NTRK3: variants seen among roughly 807,000 people sequenced by gnomAD.
The protein encoded by NTRK3 is neurotrophic receptor tyrosine kinase 3.
NTRK3 carries 24 observed loss-of-function variants against 91.7 expected under a neutral mutation model. That is an observed-to-expected ratio of 0.26 (90% CI 0.19 to 0.37). The LOEUF (loss-of-function observed/expected upper bound fraction) is 0.37, where lower values mean the gene tolerates loss of function less well. Ranked by LOEUF, NTRK3 falls within the 10% of genes least tolerant of loss-of-function variation. NTRK3 has a pLI of 1.00. For synonymous variants in NTRK3, 483 were observed against 404.0 expected (o/e 1.20, Z -2.34); for missense variants, 880 against 1,068.9 (o/e 0.82, Z 2.46).
rs550214204 is a variant in NTRK3 at position 88,017,587 on chromosome 15, C to A, written c.1585+15270G>T. Among the ~76,000 whole-genome samples the A allele has an allele frequency of 3.2e-4, 48 of 152,272 alleles. 1 individual carries two copies. The South Asian group carries it at 9.5e-3, about 30-fold the overall frequency. On this transcript the variant is annotated intron_variant, in intron 14 of 18. Coordinates refer to ENST00000394480, the Ensembl canonical transcript of NTRK3. ...CAGTGGTTGGTTCAACCAAGCTGAC[C>A]TTCTCAAGACCTGAACAAAGGAATA...
intron 5 of NTRK3, among the ~76,000 whole-genome samples, chr15:88,150,485 C>G (rs2043270141): frequency 6.6e-6 from 1 of 152,148 alleles, no homozygotes; most frequent in South Asian, 2.1e-4. Flanking sequence ...AAGTGGGCTC[C>G]TACTCTCCCA....
intron 13 of NTRK3, among the ~76,000 whole-genome samples, chr15:88,065,431 G>C (rs1294729779): frequency 6.6e-6 from 1 of 152,166 alleles, no homozygotes; most frequent in Non-Finnish European, 1.5e-5. Context: ...CAGGTGGTTT[G>C]AGGCTCTGCT....
chr15:88,134,335 AG>A (rs2041669097), intron 10 of NTRK3, among the ~76,000 whole-genome samples: 1 of 152,354 alleles, frequency 6.6e-6, no homozygotes, highest in African/African-American at 2.4e-5. Flanking sequence ...AGATATTTAA[AG>A]CATCTTAGCC....
At chr15:88,203,581 T>A (rs757418386) in intron 3 of NTRK3, among the ~76,000 whole-genome samples, 4 of 152,170 alleles carry the variant, frequency 2.6e-5, no homozygotes, top group Non-Finnish European at 4.4e-5. Flanking sequence ...GATTATTGGG[T>A]ATGGATATAC....
intron 14 of NTRK3, among the ~76,000 whole-genome samples, chr15:87,988,928 A>G (rs890710177): frequency 6.6e-6 from 1 of 150,996 alleles, no homozygotes; most frequent in Admixed American, 6.6e-5. Flanking sequence ...TTTTATTTTT[A>G]TTTTTTTTAG....
rs147544500 is a variant in NTRK3, at chr15:88,065,056, C to T, written c.1397-32011G>A. On this transcript the variant is annotated intron_variant, in intron 13 of 18. Transcript: ENST00000394480. ...ATCAAGATCTATGACAACTATGTGA[C>T]GATAACTAACCCCAGTATGGCTCAG... Among the ~76,000 whole-genome samples the T allele has an allele frequency of 4.6e-3, 706 of 152,236 alleles. 2 individuals carry two copies. The highest frequency in any genetic ancestry group is 0.013 in the African/African-American group (558 of 41,554).
At chr15:87,867,478 C>T (rs2064715345) in exon 19 of NTRK3, 1 of 230,100 alleles carries the variant, frequency 4.3e-6, no homozygotes, top group Admixed American at 5.7e-5. Context: ...TTGTTCAGGG[C>T]AGGATCTTGA....
At chr15:87,923,543 C>G (rs1328961477) in intron 17 of NTRK3, among the ~76,000 whole-genome samples, 1 of 152,136 alleles carries the variant, frequency 6.6e-6, no homozygotes, top group Admixed American at 6.5e-5. Flanking sequence ...AAATGAGCTT[C>G]TATTTGTGTT....
At chr15:88,012,686 A>C (rs920842534) in intron 14 of NTRK3, among the ~76,000 whole-genome samples, 4 of 152,244 alleles carry the variant, frequency 2.6e-5, no homozygotes, top group African/African-American at 9.6e-5. Flanking sequence ...AATGTTTTAT[A>C]ATGCACTATT....
intron 17 of NTRK3, among the ~76,000 whole-genome samples, chr15:87,919,489 T>G (rs934233017): frequency 7.2e-5 from 11 of 152,246 alleles, no homozygotes; most frequent in Non-Finnish European, 1.6e-4. Flanking sequence ...GATTCTTTTC[T>G]GTATTCAGTT....
At position 87,928,939 on chromosome 15, in the gene NTRK3, A is replaced by G. The variant is rs879131; in HGVS notation, c.2133+252T>C. 108,284 of 604,626 alleles carry G rather than the reference A, an allele frequency of 0.18. 10,365 individuals are homozygous for G. Among genetic ancestry groups the G allele is most frequent in the Middle Eastern group, 0.26 (600 of 2,278 alleles). 37.5% of individuals were successfully genotyped at this position (604,626 alleles called of 1,614,324 possible). On this transcript the variant is annotated intron_variant, in intron 17 of 18. Coordinates refer to ENST00000394480, the Ensembl canonical transcript of NTRK3. ...ATTGAAGCACGTAAGAACACAATGC[A>G]TATGTTATTGCAATGTACAGATTAC...
At chr15:88,232,088 C>T (rs941340876) in intron 3 of NTRK3, among the ~76,000 whole-genome samples, 1 of 152,148 alleles carries the variant, frequency 6.6e-6, no homozygotes, top group Admixed American at 6.5e-5. Context: ...TCCATGCTCC[C>T]TACCTCCAGG....
Position 88,243,541 on chromosome 15 carries a change from C to CAA in NTRK3, c.248+12364_248+12365insTT, listed in dbSNP as rs1252933057. Among the ~76,000 whole-genome samples the CAA allele has an allele frequency of 3.4e-4, 3 of 8,738 alleles. No individual in the cohort carries two copies. Among genetic ancestry groups the CAA allele is most frequent in the Non-Finnish European group, 1.6e-3 (2 of 1,288 alleles). The allele number at this position is 8,738 out of a possible 152,430, so 5.7% of individuals were successfully genotyped here. A position where few individuals can be genotyped will look rare whatever the true frequency, so the allele number is the denominator to read the frequency against. The stretch of plus-strand genomic sequence containing the variant: ...GATCCCATCCCCCATAGCATGCACA[C>CAA]ACACACACACACACACACACACACA... On this transcript the variant is annotated intron_variant, in intron 3 of 18. Transcript: ENST00000394480. This position sits in a 1 kb window ranked among gnomAD's most constrained non-coding sequence, Gnocchi z 4.8.
At chr15:87,968,278 G>C (rs1023859077) in intron 14 of NTRK3, among the ~76,000 whole-genome samples, 3 of 152,038 alleles carry the variant, frequency 2.0e-5, no homozygotes, top group African/African-American at 7.2e-5. Context: ...CATCATTTGG[G>C]GTTTCTATGA....
At chr15:88,069,703 T>G (rs1182063790) in intron 13 of NTRK3, among the ~76,000 whole-genome samples, 1 of 152,168 alleles carries the variant, frequency 6.6e-6, no homozygotes, top group Non-Finnish European at 1.5e-5. Context: ...CACGTAGGAT[T>G]TTGCTTCCAA....
At chr15:88,077,146 G>C (rs931770925) in intron 13 of NTRK3, among the ~76,000 whole-genome samples, 3 of 152,048 alleles carry the variant, frequency 2.0e-5, no homozygotes, top group Non-Finnish European at 4.4e-5. Flanking sequence ...TCTCCAAGCA[G>C]ATAAATGAAG....
chr15:88,156,829 T>C (rs2043947982), intron 5 of NTRK3, among the ~76,000 whole-genome samples: 1 of 152,196 alleles, frequency 6.6e-6, no homozygotes, highest in African/African-American at 2.4e-5. Flanking sequence ...ATTTTCTTTA[T>C]AGCACCTGGA....
intron 6 of NTRK3, among the ~76,000 whole-genome samples, chr15:88,140,377 C>T (rs2042275349): frequency 6.6e-6 from 1 of 152,198 alleles, no homozygotes; most frequent in African/African-American, 2.4e-5. Flanking sequence ...CACTCTTGGC[C>T]AGACCCAGCT....
At chr15:88,028,886 T>C (rs1287764159) in intron 14 of NTRK3, among the ~76,000 whole-genome samples, 1 of 152,184 alleles carries the variant, frequency 6.6e-6, no homozygotes, top group Non-Finnish European at 1.5e-5. Context: ...AATGTGTGAC[T>C]CCTGAGAAAG....
Sources: allele counts gnomAD v4.1 joint callset (sites outside exome capture counted in the v4.1 genomes callset), GRCh38; gene constraint gnomAD v4.1.1; non-coding constraint Gnocchi (gnomAD v3.1); transcripts MANE v1.5; gene names NCBI Gene and HGNC (gene_info 2026-07-23, HGNC 2026-07-21).